Variants in POU2F1 observed in about 807,000 individuals in gnomAD.
The protein encoded by POU2F1 is POU class 2 homeobox 1.
In POU2F1, 16 loss-of-function variants were observed where a neutral mutation model predicts 84.9. The observed-to-expected ratio is 0.19, with a 90% CI of 0.13 to 0.29. POU2F1 has a LOEUF of 0.29. Among genes scored for constraint, POU2F1 ranks in the 10% least tolerant of loss-of-function variants. The probability of loss-of-function intolerance (pLI) is 1.00; values close to 1 mark genes in which losing one functional copy is unlikely to be tolerated. For missense variants in POU2F1, 738 were observed against 942.6 expected (o/e 0.78, Z 2.84); for synonymous variants, 368 against 368.3 (o/e 1.00, Z 0.01).
In POU2F1 at chr1:167,425,361, C is replaced by T. The variant is rs1235985028; in HGVS notation, c.*9551C>T. 1 of 152,238 alleles carries T rather than the reference C, an allele frequency of 6.6e-6. No homozygotes were observed. Among genetic ancestry groups the T allele is most frequent in the Non-Finnish European group, 1.5e-5 (1 of 68,078 alleles). The allele number at this position is 152,238 out of a possible 1,614,324, so 9.4% of individuals were successfully genotyped here. ...TCAGCATCAGTCCAGTCTGTGGTGT[C>T]CTGGCACTTAGAAGAGTGAGGCCAG... On this transcript the variant is annotated 3_prime_UTR_variant, in exon 16 of 16. Coordinates refer to ENST00000367866, the MANE Select transcript of POU2F1 (RefSeq NM_002697.4).
chr1:167,290,094 C>CT (rs1237803887), intron 1 of POU2F1, among the ~76,000 whole-genome samples: 24 of 152,198 alleles, frequency 1.6e-4, no homozygotes, highest in African/African-American at 5.8e-4. Context: ...TAAGGAACTA[C>CT]TAAGATTGCA....
intron 1 of POU2F1, among the ~76,000 whole-genome samples, chr1:167,322,106 G>A (rs1656354451): frequency 6.6e-6 from 1 of 152,148 alleles, no homozygotes; most frequent in Non-Finnish European, 1.5e-5. Flanking sequence ...GTCCATTCCT[G>A]TATCTACCAA....
chr1:167,346,543 CTG>C (rs1015248703), intron 2 of POU2F1, among the ~76,000 whole-genome samples: 5 of 152,148 alleles, frequency 3.3e-5, no homozygotes, highest in Non-Finnish European at 7.4e-5. Context: ...GGGGATAAAA[CTG>C]TTTTTTACCT....
chr1:167,382,097 G>T (rs1250538551), intron 7 of POU2F1, among the ~76,000 whole-genome samples: 1 of 152,118 alleles, frequency 6.6e-6, no homozygotes, highest in Non-Finnish European at 1.5e-5. Flanking sequence ...GTCATATAGT[G>T]CTCTGATAGT....
chr1:167,401,152 C>T (rs1405032786), intron 12 of POU2F1, among the ~76,000 whole-genome samples: 4 of 152,192 alleles, frequency 2.6e-5, no homozygotes, highest in African/African-American at 9.6e-5. Context: ...CCCCAGATTC[C>T]CTGATCCTGT....
At chr1:167,298,934 C>T (rs569217743) in intron 1 of POU2F1, among the ~76,000 whole-genome samples, 88 of 152,086 alleles carry the variant, frequency 5.8e-4, no homozygotes, top group African/African-American at 1.8e-3. Context: ...GAGGCCAAGG[C>T]GGGCGGATCA....
intron 1 of POU2F1, among the ~76,000 whole-genome samples, chr1:167,254,728 A>T (rs1385126866): frequency 6.6e-6 from 1 of 152,140 alleles, no homozygotes; most frequent in Non-Finnish European, 1.5e-5. Flanking sequence ...GATTCAGGTA[A>T]TTTCTTCATT....
chr1:167,336,355 A>G (rs1426003135), intron 2 of POU2F1, among the ~76,000 whole-genome samples: 4 of 152,240 alleles, frequency 2.6e-5, no homozygotes, highest in African/African-American at 9.6e-5. Flanking sequence ...TAATCATGTC[A>G]CAGTGAACAG....
intron 1 of POU2F1, among the ~76,000 whole-genome samples, chr1:167,271,656 G>T (rs753421402): frequency 3.3e-5 from 5 of 152,186 alleles, no homozygotes; most frequent in Non-Finnish European, 5.9e-5. Flanking sequence ...GAAGGAATCT[G>T]ATGAAATGAG....
At position 167,415,585 on chromosome 1, in the gene POU2F1, C is replaced by T. The variant is rs1650247633; in HGVS notation, c.2076C>T (p.Asn692=). 1.2e-6 allele frequency: 2 copies of T among 1,614,198 alleles called. No homozygotes were observed. Among genetic ancestry groups the T allele is most frequent in the South Asian group, 2.2e-5 (2 of 91,086 alleles). ...TTGCCAATGCGGGAGGAGCCCCCAA[C>T]ATCGTGACTGCCCCTCTGTTCCTGA... is the stretch of plus-strand genomic sequence containing the variant. ...LVFANAGGAP[N]IVTAPLFLNP... The change falls in exon 16 of 16, where the codon AAC becomes AAT. Residue 692 remains asparagine, a synonymous_variant. Transcript: ENST00000367866.
At chr1:167,297,839 G>A (rs1654394777) in intron 1 of POU2F1, among the ~76,000 whole-genome samples, 1 of 152,160 alleles carries the variant, frequency 6.6e-6, no homozygotes, top group African/African-American at 2.4e-5. Flanking sequence ...TTGGGCTGAG[G>A]ATGGACCCTA....
chr1:167,242,828 G>A (rs985525643), intron 1 of POU2F1, among the ~76,000 whole-genome samples: 2 of 152,108 alleles, frequency 1.3e-5, no homozygotes, highest in Admixed American at 6.5e-5. Context: ...CTCCTTTTGC[G>A]TAGGATAAAT....
At chr1:167,401,603 G>C in intron 13 of POU2F1, 47 bp downstream of exon 13, 1 of 1,337,368 alleles carries the variant, frequency 7.5e-7, no homozygotes. Context: ...TGGGAGGCCC[G>C]TTTTGGGTTA....
At chr1:167,261,759 A>G (rs1252351030) in intron 1 of POU2F1, among the ~76,000 whole-genome samples, 1 of 152,204 alleles carries the variant, frequency 6.6e-6, no homozygotes, top group Non-Finnish European at 1.5e-5. Context: ...GGCTTGGCTC[A>G]CTGTAACCTT....
intron 8 of POU2F1, among the ~76,000 whole-genome samples, chr1:167,384,214 T>TC (rs2101880795): frequency 6.6e-6 from 1 of 152,186 alleles, no homozygotes; most frequent in African/African-American, 2.4e-5. Context: ...ATGTGACATC[T>TC]CCCCTCACCA....
intron 1 of POU2F1, among the ~76,000 whole-genome samples, chr1:167,257,264 G>C (rs1197643299): frequency 3.3e-5 from 5 of 152,224 alleles, no homozygotes; most frequent in African/African-American, 1.2e-4. Flanking sequence ...AGATGTTCAT[G>C]TGAGCATGAG....
intron 1 of POU2F1, among the ~76,000 whole-genome samples, chr1:167,280,159 G>T (rs1321083466): frequency 1.4e-5 from 2 of 147,976 alleles, no homozygotes; most frequent in African/African-American, 5.0e-5. Flanking sequence ...GTGCACTCCA[G>T]CCTGGGCGAC....
At position 167,341,529 on chromosome 1, in the gene POU2F1, G is replaced by A. The variant is rs146274701; in HGVS notation, c.127+8994G>A. On this transcript the variant is annotated intron_variant, in intron 2 of 15. Transcript: ENST00000367866. ...CCCTGACCCCCCTTGCAGGACATGC[G>A]ACAGGGAGTGGCTCATATGTTTGGC... Among the ~76,000 whole-genome samples the A allele has an allele frequency of 5.5e-4, 83 of 152,186 alleles. No homozygotes were observed. The East Asian group carries it at 8.7e-3, about 16-fold the overall frequency.
intron 1 of POU2F1, among the ~76,000 whole-genome samples, chr1:167,247,660 A>G (rs74521191): frequency 0.17 from 25,335 of 152,122 alleles, 2,612 homozygotes; most frequent in Middle Eastern, 0.27. Context: ...ATACTATTCC[A>G]TACTGTTAAC....
Sources: allele counts gnomAD v4.1 joint callset (sites outside exome capture counted in the v4.1 genomes callset), GRCh38; gene constraint gnomAD v4.1.1; transcripts MANE v1.5; gene names NCBI Gene and HGNC (gene_info 2026-07-23, HGNC 2026-07-21).